The following FAM186A variants were observed in gnomAD, a reference collection of about 807,000 sequenced individuals.
FAM186A encodes the protein family with sequence similarity 186 member A, also known as protein FAM186A.
FAM186A carries 163 observed loss-of-function variants against 216.8 expected under a neutral mutation model. That is an observed-to-expected ratio of 0.75 (90% CI 0.66 to 0.86). The LOEUF is 0.86. Ranked by LOEUF, FAM186A falls within the 40% of genes least tolerant of loss-of-function variation. The probability of loss-of-function intolerance (pLI) is 0.00; values close to 1 mark genes in which losing one functional copy is unlikely to be tolerated. For missense variants in FAM186A, 2,184 were observed against 2,746.2 expected (o/e 0.80, Z 4.58); for synonymous variants, 805 against 1,025.3 (o/e 0.79, Z 4.10).
In FAM186A at chr12:50,351,861, C is replaced by T. The variant is rs1400871817; in HGVS notation, c.4971G>A (p.Trp1657Ter). The change falls in exon 4 of 8, where the codon TGG (tryptophan) becomes TGA (stop). Residue 1657 changes from tryptophan to a stop codon, truncating the protein, a stop_gained. Transcript: ENST00000327337. LOFTEE classifies it high-confidence loss of function. Reference sequence around the variant, plus strand: ...CAGAGGTAAGAGTGACAGCTGACACCCAGGCATTTACTGGGGTGATGGGGA... The same window carrying T: ...CAGAGGTAAGAGTGACAGCTGACACTCAGGCATTTACTGGGGTGATGGGGA... ...LGVPITPVNA[W>*]VSAVTLTSEQ... 1.3e-6 allele frequency: 2 copies of T among 1,544,192 alleles called. No individual in the cohort carries two copies. The highest frequency in any genetic ancestry group is 1.7e-4 in the Middle Eastern group (1 of 5,946).
intron 1 of FAM186A, among the ~76,000 whole-genome samples, chr12:50,378,065 A>G (rs1943215357): frequency 6.6e-6 from 1 of 152,034 alleles, no homozygotes; most frequent in Non-Finnish European, 1.5e-5. Flanking sequence ...GTCTCTACTA[A>G]AAATACAAAA....
At chr12:50,383,278 A>AAAAAAAAGGAG (rs1555218962) in intron 1 of FAM186A, among the ~76,000 whole-genome samples, 1 of 49,170 alleles carries the variant, frequency 2.0e-5, no homozygotes, top group African/African-American at 5.3e-5. Flanking sequence ...AAAAAAAAAA[A>AAAAAAAAGGAG]AGAGAGAGAG....
chr12:50,378,680 T>A (rs966563476), intron 1 of FAM186A, among the ~76,000 whole-genome samples: 50 of 145,570 alleles, frequency 3.4e-4, no homozygotes, highest in African/African-American at 1.2e-3. Flanking sequence ...AAAATTAAAT[T>A]AAAAAAAAGA....
Position 50,355,375 on chromosome 12 carries a change from G to A in FAM186A, c.1457C>T (p.Ser486Leu). 1 of 1,551,330 alleles carries A rather than the reference G, an allele frequency of 6.4e-7. No individual in the cohort carries two copies. Among genetic ancestry groups the A allele is most frequent in the South Asian group, 1.2e-5 (1 of 84,030 alleles). The change falls in exon 4 of 8, where the codon TCA becomes TTA. Residue 486 changes from serine to leucine, a missense_variant. Ser to Leu is a moderately radical substitution (Grantham distance 145, BLOSUM62 -2). This residue lies in a region of FAM186A where 1,132 missense variants were observed against 1,263.4 expected (regional missense o/e 0.90). Coordinates refer to ENST00000327337, the MANE Select transcript of FAM186A (RefSeq NM_001145475.3). ...LSDNKSGQKV[S>L]EAKPSQYYEL... ...ATAGTATTGACTAGGTTTGGCCTCT[G>A]AGACTTTCTGTCCACTTTTATTATC... is the stretch of plus-strand genomic sequence containing the variant.
At chr12:50,392,289 T>A (rs1385166495) in intron 1 of FAM186A, 1 of 172,952 alleles carries the variant, frequency 5.8e-6, no homozygotes. Context: ...GTTTGTTTGT[T>A]TGTTTTGAGA....
intron 2 of FAM186A, among the ~76,000 whole-genome samples, chr12:50,361,871 A>C (rs543009969): frequency 6.6e-6 from 1 of 152,090 alleles, no homozygotes; most frequent in South Asian, 2.1e-4. Context: ...GCGCCCGGCC[A>C]TTATCCAGTA....
chr12:50,391,682 C>T (rs1467863729), intron 1 of FAM186A, among the ~76,000 whole-genome samples: 2 of 152,066 alleles, frequency 1.3e-5, no homozygotes, highest in African/African-American at 4.8e-5. Context: ...TCGATCTTGG[C>T]TCACTGCAGC....
Position 50,363,139 on chromosome 12 carries a change from A to G in FAM186A, c.412+6T>C, listed in dbSNP as rs1592618957. The G allele has an allele frequency of 4.5e-6, 7 of 1,540,166 alleles. No homozygotes were observed. In the East Asian group the frequency reaches 1.5e-4, roughly 32 times the overall value. ...GTTTTCCTCTGAACCGCTTCTGTAA[A>G]CTTACTCCATTCTTCCAACCAGGCC... On this transcript the variant is annotated splice_donor_region_variant and intron_variant, in intron 2 of 7. Transcript: ENST00000327337.
intron 1 of FAM186A, among the ~76,000 whole-genome samples, chr12:50,370,119 A>G (rs1364768843): frequency 9.8e-6 from 1 of 101,796 alleles, no homozygotes; most frequent in South Asian, 3.1e-4. Context: ...GCGAGACTCC[A>G]TCTCAAAAAA....
chr12:50,377,614 C>T (rs573303542), intron 1 of FAM186A, among the ~76,000 whole-genome samples: 1 of 152,106 alleles, frequency 6.6e-6, no homozygotes, highest in South Asian at 2.1e-4. Flanking sequence ...AGGTGGATCA[C>T]CTGAGGTCAG....
chr12:50,391,013 G>T (rs534057637), intron 1 of FAM186A, among the ~76,000 whole-genome samples: 41 of 150,892 alleles, frequency 2.7e-4, no homozygotes, highest in African/African-American at 8.3e-4. Flanking sequence ...TTTTGAGATG[G>T]AGTCTTGCTC....
chr12:50,394,732 CTTTT>C lies in FAM186A; in HGVS notation c.192+1557_192+1560del, dbSNP rs71083561. Reference sequence around the variant, plus strand: ...TGAGCCACTGTGCCTGGCTAACACTCTTTTTTTTTTTTTTTTTTTTTTTTTTTTA... The same window carrying C: ...TGAGCCACTGTGCCTGGCTAACACTCTTTTTTTTTTTTTTTTTTTTTTTTA... On this transcript the variant is annotated intron_variant, in intron 1 of 7. Coordinates refer to ENST00000327337, the MANE Select transcript of FAM186A (RefSeq NM_001145475.3). 5.4e-3 allele frequency among the ~76,000 whole-genome samples: 160 copies of C among 29,404 alleles called. 4 individuals carry two copies. Among genetic ancestry groups the C allele is most frequent in the East Asian group, 0.047 (36 of 766 alleles). 19.3% of individuals were successfully genotyped at this position (29,404 alleles called of 152,430 possible). A position where few individuals can be genotyped will look rare whatever the true frequency, so the allele number is the denominator to read the frequency against.
chr12:50,390,452 C>T (rs187257913), intron 1 of FAM186A, among the ~76,000 whole-genome samples: 3 of 152,208 alleles, frequency 2.0e-5, no homozygotes, highest in Non-Finnish European at 2.9e-5. Flanking sequence ...TTCATTCGAC[C>T]GAGGAATTTC....
chr12:50,370,123 C>CAAAAAAAAAA (rs56403101), intron 1 of FAM186A, among the ~76,000 whole-genome samples: 3 of 38,442 alleles, frequency 7.8e-5, no homozygotes, highest in African/African-American at 2.6e-4. Flanking sequence ...GACTCCATCT[C>CAAAAAAAAAA]AAAAAAAAAA....
At chr12:50,367,435 G>A (rs531992159) in intron 1 of FAM186A, among the ~76,000 whole-genome samples, 3 of 149,892 alleles carry the variant, frequency 2.0e-5, no homozygotes, top group East Asian at 2.0e-4. Flanking sequence ...GGAGAATGGC[G>A]TGAACCTGGG....
chr12:50,352,481 G>C lies in FAM186A; in HGVS notation c.4351C>G (p.Gln1451Glu), dbSNP rs1181362123. 1 of 1,499,584 alleles carries C rather than the reference G, an allele frequency of 6.7e-7. No individual in the cohort carries two copies. Among genetic ancestry groups the C allele is most frequent in the Admixed American group, 2.1e-5 (1 of 48,022 alleles). The allele number at this position is 1,499,584 out of a possible 1,614,324, so 92.9% of individuals were successfully genotyped here. A position where few individuals can be genotyped will look rare whatever the true frequency, so the allele number is the denominator to read the frequency against. The change falls in exon 4 of 8, where the codon CAG becomes GAG. Residue 1451 changes from glutamine to glutamate, a missense_variant. Gln to Glu is a conservative substitution (Grantham distance 29). Around this residue, in one of 7 missense-constraint regions of FAM186A, gnomAD observed 267 missense variants for 446.2 expected, o/e 0.60. Coordinates refer to ENST00000327337, the MANE Select transcript of FAM186A (RefSeq NM_001145475.3). ...AGAGTGATCCCCAGCTCCTGAGCCT[G>C]CTGAGCGGTGAGAGGCATCCCCAGG... ...QALGMPLTAQ[Q>E]AQELGITLTP...
intron 4 of FAM186A, among the ~76,000 whole-genome samples, chr12:50,346,671 C>G (rs1437535680): frequency 1.3e-5 from 2 of 151,898 alleles, no homozygotes; most frequent in East Asian, 1.9e-4. Flanking sequence ...CACGGTGAAA[C>G]CCCGTCTCTA....
At position 50,355,351 on chromosome 12, in the gene FAM186A, T is replaced by C. The variant is rs1942963014; in HGVS notation, c.1481A>G (p.Tyr494Cys). 1.3e-6 allele frequency: 2 copies of C among 1,551,032 alleles called. No homozygotes were observed. The highest frequency in any genetic ancestry group is 1.7e-6 in the Non-Finnish European group (2 of 1,146,910). The change falls in exon 4 of 8, where the codon TAT becomes TGT. Residue 494 changes from tyrosine (Y) to cysteine (C), a missense_variant. Tyr to Cys is a radical substitution (Grantham distance 194, BLOSUM62 -2). Coordinates refer to ENST00000327337, the MANE Select transcript of FAM186A (RefSeq NM_001145475.3). ...TTTCTTTTTCAGTACTTGTAGCTCA[T>C]AGTATTGACTAGGTTTGGCCTCTGA... ...KVSEAKPSQY[Y>C]ELQVLKKKRK...
intron 1 of FAM186A, among the ~76,000 whole-genome samples, chr12:50,389,764 A>G (rs768250613): frequency 6.6e-6 from 1 of 152,152 alleles, no homozygotes; most frequent in Non-Finnish European, 1.5e-5. Context: ...TGGACTTAGT[A>G]CCTAGTTAAG....
Sources: allele counts gnomAD v4.1 joint callset (sites outside exome capture counted in the v4.1 genomes callset), GRCh38; gene constraint gnomAD v4.1.1; regional missense constraint gnomAD v4.1.1; transcripts MANE v1.5; gene names NCBI Gene and HGNC (gene_info 2026-07-23, HGNC 2026-07-21).